The following MACROD2 variants were observed in gnomAD, a reference collection of about 807,000 sequenced individuals.
MACROD2 encodes mono-ADP ribosylhydrolase 2.
In MACROD2, 36 loss-of-function variants were observed where a neutral mutation model predicts 70.4. The ratio of observed to expected loss-of-function variants is 0.51; its 90% CI spans 0.39 to 0.68. The LOEUF (loss-of-function observed/expected upper bound fraction) is 0.68, where lower values mean the gene tolerates loss of function less well. MACROD2 is among the 30% of genes least tolerant of loss of function. The probability of loss-of-function intolerance (pLI) is 0.00; values close to 1 mark genes in which losing one functional copy is unlikely to be tolerated. For synonymous variants in MACROD2, 172 were observed against 178.8 expected, an observed-to-expected ratio of 0.96 and a Z score of 0.30; for missense variants, 496 against 538.4, an observed-to-expected ratio of 0.92 and a Z score of 0.78.
chr20:14,763,886 A>C (rs1378465585), intron 5 of MACROD2, among the ~76,000 whole-genome samples: 1 of 152,044 alleles, frequency 6.6e-6, no homozygotes, highest in African/African-American at 2.4e-5. Flanking sequence ...TCATTAATAG[A>C]TTTAGACTGT....
intron 7 of MACROD2, among the ~76,000 whole-genome samples, chr20:15,452,991 G>A (rs1360306569): frequency 6.6e-6 from 1 of 152,134 alleles, no homozygotes; most frequent in African/African-American, 2.4e-5. Context: ...TAATGGAGAG[G>A]ATTTGAGGTC....
At chr20:14,269,083 C>G (rs1213891412) in intron 3 of MACROD2, among the ~76,000 whole-genome samples, 2 of 152,186 alleles carry the variant, frequency 1.3e-5, no homozygotes, top group African/African-American at 4.8e-5. Flanking sequence ...TTCAGCACTA[C>G]ATAATCAAGA....
At chr20:15,209,220 A>C (rs1601231327) in intron 5 of MACROD2, among the ~76,000 whole-genome samples, 1 of 151,842 alleles carries the variant, frequency 6.6e-6, no homozygotes, top group South Asian at 2.1e-4. Context: ...TGTTAGGCAA[A>C]AAGAAAACCC....
intron 8 of MACROD2, among the ~76,000 whole-genome samples, chr20:15,836,772 T>A (rs2064118771): frequency 6.6e-6 from 1 of 152,186 alleles, no homozygotes; most frequent in Admixed American, 6.5e-5. Context: ...AGCTGCGCAG[T>A]AAGAATAGCA....
chr20:14,340,149 C>T (rs2082998324), intron 3 of MACROD2, among the ~76,000 whole-genome samples: 1 of 152,120 alleles, frequency 6.6e-6, no homozygotes, highest in Non-Finnish European at 1.5e-5. Flanking sequence ...CAATCTTTAG[C>T]ATGAAACCCT....
intron 7 of MACROD2, among the ~76,000 whole-genome samples, chr20:15,478,839 TTTGGTTGCAAGG>T (rs1244642345): frequency 6.6e-6 from 1 of 152,260 alleles, no homozygotes; most frequent in East Asian, 1.9e-4. Context: ...TGCTATGTAG[TTTGGTTGCAAGG>T]TGGCTGTCAA....
intron 12 of MACROD2, among the ~76,000 whole-genome samples, chr20:15,942,838 T>A (rs1160030416): frequency 1.3e-5 from 2 of 152,200 alleles, no homozygotes; most frequent in Admixed American, 6.5e-5. Context: ...TTTAAACTCG[T>A]CTTAATCCAC....
intron 7 of MACROD2, among the ~76,000 whole-genome samples, chr20:15,472,407 C>T (rs1275130608): frequency 1.1e-4 from 17 of 152,164 alleles, no homozygotes; most frequent in Admixed American, 1.1e-3. Context: ...CTATACCCTT[C>T]TCTAACTTTG....
At chr20:15,278,559 A>C (rs1413499157) in intron 6 of MACROD2, among the ~76,000 whole-genome samples, 1 of 152,186 alleles carries the variant, frequency 6.6e-6, no homozygotes, top group African/African-American at 2.4e-5. Context: ...TGAAATAGTA[A>C]TAGAAGTCAA....
chr20:14,027,926 C>G (rs566270878), intron 2 of MACROD2, among the ~76,000 whole-genome samples: 2 of 152,306 alleles, frequency 1.3e-5, no homozygotes, highest in African/African-American at 4.8e-5. Context: ...TGTCCCTTAG[C>G]AGAGTGTGAG....
At position 14,299,790 on chromosome 20, in the gene MACROD2, A is replaced by G. The variant is rs563237075; in HGVS notation, c.272-193689A>G. Among the ~76,000 whole-genome samples the G allele has an allele frequency of 3.9e-5, 6 of 152,320 alleles. No individual in the cohort carries two copies. The South Asian group carries it at 1.2e-3, about 32-fold the overall frequency. On this transcript the variant is annotated intron_variant, in intron 3 of 17. Coordinates refer to ENST00000684519, the MANE Select transcript of MACROD2 (RefSeq NM_001351661.2). ...TAAGATTACTTGTGGAATCCTCTGA[A>G]CAGAAAGAAGAGGCATCTGACCCAA...
chr20:14,096,215 A>G (rs2054222886), intron 3 of MACROD2, among the ~76,000 whole-genome samples: 1 of 152,170 alleles, frequency 6.6e-6, no homozygotes. Flanking sequence ...AAATAGATAC[A>G]GTTCATTGTG....
chr20:15,737,960 A>G (rs1029989398), intron 8 of MACROD2, among the ~76,000 whole-genome samples: 1 of 152,112 alleles, frequency 6.6e-6, no homozygotes, highest in African/African-American at 2.4e-5. Context: ...ACACAGGTAG[A>G]CAGACAGGTA....
chr20:14,289,140 A>G (rs1159940861), intron 3 of MACROD2, among the ~76,000 whole-genome samples: 2 of 152,174 alleles, frequency 1.3e-5, no homozygotes, highest in African/African-American at 4.8e-5. Flanking sequence ...TGACTCAGGT[A>G]GAACTGGGGG....
chr20:14,811,006 A>G (rs1337291281), intron 5 of MACROD2, among the ~76,000 whole-genome samples: 1 of 152,156 alleles, frequency 6.6e-6, no homozygotes, highest in Non-Finnish European at 1.5e-5. Flanking sequence ...GAAAATGGCC[A>G]TACTGCCCAA....
intron 8 of MACROD2, among the ~76,000 whole-genome samples, chr20:15,845,741 TA>T (rs2064223937): frequency 1.3e-5 from 2 of 152,224 alleles, no homozygotes. Context: ...CAACAGTTGC[TA>T]TGTGATAATT....
chr20:14,788,725 T>C (rs528809296), intron 5 of MACROD2, among the ~76,000 whole-genome samples: 2 of 151,604 alleles, frequency 1.3e-5, no homozygotes, highest in South Asian at 4.2e-4. Context: ...CTTTGTACTT[T>C]TTGTATTTAA....
intron 4 of MACROD2, among the ~76,000 whole-genome samples, chr20:14,581,995 G>T (rs1176468755): frequency 1.3e-5 from 2 of 152,108 alleles, no homozygotes; most frequent in Non-Finnish European, 2.9e-5. Flanking sequence ...AAGATTAAAC[G>T]TCAGTTGCTC....
chr20:15,286,323 T>C (rs1033419421), intron 6 of MACROD2, among the ~76,000 whole-genome samples: 1 of 152,182 alleles, frequency 6.6e-6, no homozygotes, highest in African/African-American at 2.4e-5. Flanking sequence ...ATAAATATGG[T>C]TTGACCCTAA....
Sources: allele counts gnomAD v4.1 joint callset (sites outside exome capture counted in the v4.1 genomes callset), GRCh38; gene constraint gnomAD v4.1.1; transcripts MANE v1.5; gene names NCBI Gene and HGNC (gene_info 2026-07-23, HGNC 2026-07-21).